ADGRB3: variants seen among roughly 807,000 people sequenced by gnomAD.
ADGRB3 encodes adhesion G protein-coupled receptor B3, also known as brain-specific angiogenesis inhibitor 3.
ADGRB3 carries 37 observed loss-of-function variants against 193.4 expected under a neutral mutation model. That is an observed-to-expected ratio of 0.19 (90% CI 0.15 to 0.25). The LOEUF (loss-of-function observed/expected upper bound fraction) is 0.25. ADGRB3 is among the 10% of genes least tolerant of loss of function. The probability of loss-of-function intolerance (pLI) is 1.00; values close to 1 mark genes in which losing one functional copy is unlikely to be tolerated. For missense variants in ADGRB3, 1,637 were observed against 1,852.9 expected, an observed-to-expected ratio of 0.88 and a Z score of 2.14; for synonymous variants, 690 against 644.2, an observed-to-expected ratio of 1.07 and a Z score of -1.08.
At chr6:68,996,897 G>A (rs977316102) in intron 11 of ADGRB3, among the ~76,000 whole-genome samples, 18 of 152,220 alleles carry the variant, frequency 1.2e-4, no homozygotes, top group African/African-American at 4.1e-4. Context: ...TTTGTTGAAT[G>A]TATTAACAAC....
At position 69,011,295 on chromosome 6, in the gene ADGRB3, A is replaced by G. The variant is rs138928866; in HGVS notation, c.1930-2743A>G. Reference sequence around the variant, plus strand: ...GTACGCTATGGAATATTATGCAGCCATTAAAAAGAATGAAATCATGCCCTG... The same window carrying G: ...GTACGCTATGGAATATTATGCAGCCGTTAAAAAGAATGAAATCATGCCCTG... On this transcript the variant is annotated intron_variant, in intron 11 of 31. Transcript: ENST00000370598. Among the ~76,000 whole-genome samples the G allele has an allele frequency of 5.9e-3, 905 of 152,112 alleles. 9 individuals are homozygous for G. The highest frequency in any genetic ancestry group is 0.021 in the African/African-American group (851 of 41,512).
rs1479766691 is a variant in ADGRB3 at position 68,679,484 on chromosome 6, G to A, written c.757+40052G>A. Among the ~76,000 whole-genome samples, 3 of 152,054 alleles carry A rather than the reference G, an allele frequency of 2.0e-5. No individual in the cohort carries two copies. In the East Asian group the frequency reaches 5.8e-4, roughly 29 times the overall value. On this transcript the variant is annotated intron_variant, in intron 3 of 31. Coordinates refer to ENST00000370598, the MANE Select transcript of ADGRB3 (RefSeq NM_001704.3). ...TTTCATTGGCAAAAGTAGTCACATG[G>A]CCACACCTAGACACAAAGAGTATTG... is the stretch of plus-strand genomic sequence containing the variant.
At chr6:69,129,922 AAC>A (rs1435908456) in intron 17 of ADGRB3, among the ~76,000 whole-genome samples, 1 of 152,156 alleles carries the variant, frequency 6.6e-6, no homozygotes, top group African/African-American at 2.4e-5. Context: ...TCCAGTAAAT[AAC>A]CTACACTAAT....
intron 20 of ADGRB3, among the ~76,000 whole-genome samples, chr6:69,247,810 A>G (rs1021268438): frequency 2.0e-5 from 3 of 152,170 alleles, no homozygotes; most frequent in Non-Finnish European, 4.4e-5. Context: ...GGCTATACCT[A>G]TTGAATGAGG....
At chr6:69,033,266 CT>C (rs1044026326) in intron 13 of ADGRB3, among the ~76,000 whole-genome samples, 1 of 152,042 alleles carries the variant, frequency 6.6e-6, no homozygotes, top group Non-Finnish European at 1.5e-5. Context: ...AAAAGCTATT[CT>C]TCTTTGTAGT....
chr6:68,765,013 G>A (rs1766482791), intron 3 of ADGRB3, among the ~76,000 whole-genome samples: 1 of 152,166 alleles, frequency 6.6e-6, no homozygotes, highest in South Asian at 2.1e-4. Context: ...ACTGAATTTA[G>A]CATGTTGGCC....
intron 20 of ADGRB3, among the ~76,000 whole-genome samples, chr6:69,286,598 C>T (rs188406453): frequency 2.1e-3 from 319 of 152,218 alleles, no homozygotes; most frequent in South Asian, 4.1e-3. Flanking sequence ...AAAATGACTC[C>T]GGATCCAAGT....
At chr6:68,793,523 T>C (rs1161648231) in intron 3 of ADGRB3, among the ~76,000 whole-genome samples, 1 of 152,126 alleles carries the variant, frequency 6.6e-6, no homozygotes, top group East Asian at 1.9e-4. Context: ...TTCTATAATG[T>C]ATCTATTTAT....
intron 20 of ADGRB3, among the ~76,000 whole-genome samples, chr6:69,289,131 C>A (rs940291845): frequency 1.8e-4 from 28 of 151,922 alleles, no homozygotes; most frequent in African/African-American, 6.3e-4. Flanking sequence ...AGTTTTCTAC[C>A]CAAAAGAATA....
intron 17 of ADGRB3, among the ~76,000 whole-genome samples, chr6:69,173,268 C>T (rs959214451): frequency 6.6e-6 from 1 of 152,200 alleles, no homozygotes; most frequent in African/African-American, 2.4e-5. Context: ...GAACTCCTGA[C>T]CTCAGGTGAT....
In ADGRB3 at chr6:68,908,471, T is replaced by C. The variant is rs149698561; in HGVS notation, c.758-22088T>C. ...TCTTCACCTGATTTCAAACTTCTTG[T>C]TTTCTCTCCTAATCTCAAAAGTGGG... is the stretch of plus-strand genomic sequence containing the variant. On this transcript the variant is annotated intron_variant, in intron 3 of 31. Transcript: ENST00000370598. 9.8e-3 allele frequency among the ~76,000 whole-genome samples: 1,484 copies of C among 152,202 alleles called. 39 individuals carry two copies. Among genetic ancestry groups the C allele is most frequent in the African/African-American group, 0.034 (1,410 of 41,558 alleles).
At chr6:69,001,143 G>A (rs780088115) in intron 11 of ADGRB3, among the ~76,000 whole-genome samples, 1 of 152,224 alleles carries the variant, frequency 6.6e-6, no homozygotes, top group African/African-American at 2.4e-5. Flanking sequence ...ACAGCAGTAA[G>A]TAAAGATGTC....
intron 20 of ADGRB3, among the ~76,000 whole-genome samples, chr6:69,244,451 C>T (rs539538442): frequency 6.6e-6 from 1 of 152,220 alleles, no homozygotes; most frequent in East Asian, 1.9e-4. Flanking sequence ...TGTCCCATGA[C>T]TTTCTTTTGC....
chr6:68,867,414 G>C (rs1208908992), intron 3 of ADGRB3, among the ~76,000 whole-genome samples: 2 of 152,338 alleles, frequency 1.3e-5, no homozygotes, highest in Middle Eastern at 3.4e-3. Context: ...AGGATGTATG[G>C]AAACACCTGG....
At chr6:69,349,457 T>C (rs931787968) in intron 26 of ADGRB3, among the ~76,000 whole-genome samples, 1 of 151,626 alleles carries the variant, frequency 6.6e-6, no homozygotes, top group Non-Finnish European at 1.5e-5. Context: ...ATGGCAGATT[T>C]TCACTTTTTG....
At chr6:69,057,688 G>A (rs1771584701) in intron 15 of ADGRB3, among the ~76,000 whole-genome samples, 2 of 152,154 alleles carry the variant, frequency 1.3e-5, no homozygotes, top group South Asian at 4.1e-4. Flanking sequence ...AATTGAGACA[G>A]TCATGCAGTT....
At chr6:68,959,458 T>C (rs1309111221) in intron 8 of ADGRB3, among the ~76,000 whole-genome samples, 6 of 152,168 alleles carry the variant, frequency 3.9e-5, no homozygotes, top group Admixed American at 1.3e-4. Flanking sequence ...CTGTTTATTT[T>C]ATACTTCACT....
At chr6:68,885,896 G>C (rs1208289885) in intron 3 of ADGRB3, among the ~76,000 whole-genome samples, 1 of 152,030 alleles carries the variant, frequency 6.6e-6, no homozygotes, top group Non-Finnish European at 1.5e-5. Context: ...CTAGACTAAG[G>C]CAATAAATAG....
At chr6:69,023,963 T>C (rs932505791) in intron 13 of ADGRB3, among the ~76,000 whole-genome samples, 2 of 152,152 alleles carry the variant, frequency 1.3e-5, no homozygotes, top group African/African-American at 4.8e-5. Flanking sequence ...GACATATTAA[T>C]ATTTAGACAA....
Sources: gnomAD v4.1 joint callset for allele counts (sites outside exome capture counted in the v4.1 genomes callset) on GRCh38, gnomAD v4.1.1 for gene constraint, MANE v1.5 for transcripts, NCBI Gene and HGNC (gene_info 2026-07-23, HGNC 2026-07-21) for gene names.